The following CNOT6L variants were observed in gnomAD, a reference collection of about 807,000 sequenced individuals.
The protein encoded by CNOT6L is CCR4-NOT transcription complex subunit 6 like.
A neutral mutation model predicts 64.0 loss-of-function variants in CNOT6L; 7 were observed. That is an observed-to-expected ratio of 0.11 (90% CI 0.06 to 0.21). CNOT6L has a LOEUF of 0.21. Among genes scored for constraint, CNOT6L ranks in the 10% least tolerant of loss-of-function variants. The pLI is 1.00. For missense variants in CNOT6L, 245 were observed against 669.0 expected (o/e 0.37, Z 6.99); for synonymous variants, 193 against 243.4 (o/e 0.79, Z 1.93).
Position 77,748,399 on chromosome 4 carries a change from G to C in CNOT6L, c.491-15C>G. Reference sequence around the variant, plus strand: ...CTCTGGATGAACTGAAAAAAATTTTGTAAATATAGGTTAATTTCATGTGTT... The same window carrying C: ...CTCTGGATGAACTGAAAAAAATTTTCTAAATATAGGTTAATTTCATGTGTT... On this transcript the variant is annotated splice_polypyrimidine_tract_variant and intron_variant, in intron 5 of 11. Transcript: ENST00000504123. 6.5e-7 allele frequency: 1 copy of C among 1,536,832 alleles called. No homozygotes were observed. The highest frequency in any genetic ancestry group is 9.0e-7 in the Non-Finnish European group (1 of 1,111,166).
intron 4 of CNOT6L, among the ~76,000 whole-genome samples, chr4:77,761,740 C>T (rs1319098996): frequency 6.6e-6 from 1 of 152,060 alleles, no homozygotes; most frequent in East Asian, 1.9e-4. Context: ...ATTGTCACTT[C>T]TATTCAATAT....
At chr4:77,735,293 A>C (rs960904890) in intron 8 of CNOT6L, among the ~76,000 whole-genome samples, 1 of 152,144 alleles carries the variant, frequency 6.6e-6, no homozygotes, top group Non-Finnish European at 1.5e-5. Context: ...TAAACTCCTG[A>C]ACACCAAACT....
intron 8 of CNOT6L, among the ~76,000 whole-genome samples, chr4:77,735,837 C>G (rs1722887575): frequency 6.6e-6 from 1 of 152,144 alleles, no homozygotes. Context: ...TTTCACCCAG[C>G]CTTTTCTTTT....
chr4:77,800,468 C>A (rs1374662931), intron 1 of CNOT6L, among the ~76,000 whole-genome samples: 1 of 151,666 alleles, frequency 6.6e-6, no homozygotes, highest in Non-Finnish European at 1.5e-5. Flanking sequence ...ATAATTACAC[C>A]ACTGCACTCC....
Position 77,754,888 on chromosome 4 carries a change from T to TAAAAAAAAAAAAAAAAAAAAAAAAAA in CNOT6L, c.490+1973_490+1974insTTTTTTTTTTTTTTTTTTTTTTTTTT. Among the ~76,000 whole-genome samples the TAAAAAAAAAAAAAAAAAAAAAAAAAA allele has an allele frequency of 2.6e-3, 97 of 36,942 alleles. 10 individuals carry two copies. Among genetic ancestry groups the TAAAAAAAAAAAAAAAAAAAAAAAAAA allele is most frequent in the South Asian group, 3.4e-3 (2 of 586 alleles). The allele number at this position is 36,942 out of a possible 152,430, so 24.2% of individuals were successfully genotyped here. A position where few individuals can be genotyped will look rare whatever the true frequency, so the allele number is the denominator to read the frequency against. On this transcript the variant is annotated intron_variant, in intron 5 of 11. Transcript: ENST00000504123. Reference sequence around the variant, plus strand: ...AAAACCTAATTCTAAACATTAGAAGTAAAAAAAAAAAAAAAAAAAAAAAAA... The same window carrying TAAAAAAAAAAAAAAAAAAAAAAAAAA: ...AAAACCTAATTCTAAACATTAGAAGTAAAAAAAAAAAAAAAAAAAAAAAAAAAAAAAAAAAAAAAAAAAAAAAAAAA...
intron 1 of CNOT6L, among the ~76,000 whole-genome samples, chr4:77,793,750 A>G (rs138345335): frequency 8.5e-5 from 13 of 152,312 alleles, no homozygotes; most frequent in Non-Finnish European, 1.6e-4. Flanking sequence ...TCAAGATTAG[A>G]AGACAGATAA....
chr4:77,743,586 C>CTTTTTTTT (rs142888128), intron 7 of CNOT6L, among the ~76,000 whole-genome samples: 9 of 70,890 alleles, frequency 1.3e-4, no homozygotes, highest in African/African-American at 3.4e-4. Flanking sequence ...TAACACACAA[C>CTTTTTTTT]TTTTTTTTTT....
At chr4:77,724,253 G>C (rs1411100482) in intron 11 of CNOT6L, among the ~76,000 whole-genome samples, 1 of 152,110 alleles carries the variant, frequency 6.6e-6, no homozygotes, top group East Asian at 1.9e-4. Context: ...AACAGGCTGA[G>C]GTGGGAGGAT....
At chr4:77,756,557 A>G (rs1725594188) in intron 5 of CNOT6L, among the ~76,000 whole-genome samples, 1 of 152,214 alleles carries the variant, frequency 6.6e-6, no homozygotes, top group Non-Finnish European at 1.5e-5. Context: ...CTGATTAGCT[A>G]TGTATAAATA....
intron 9 of CNOT6L, among the ~76,000 whole-genome samples, chr4:77,729,509 T>C (rs1388261859): frequency 1.3e-5 from 2 of 152,228 alleles, no homozygotes; most frequent in Non-Finnish European, 2.9e-5. Context: ...GTAAAGGCAG[T>C]AAATTATATT....
chr4:77,728,254 A>C (rs552284644), intron 10 of CNOT6L, among the ~76,000 whole-genome samples: 1 of 152,312 alleles, frequency 6.6e-6, no homozygotes, highest in African/African-American at 2.4e-5. Context: ...TAAACTAGAG[A>C]GCTACACGTA....
At chr4:77,745,860 T>C (rs1425712957) in intron 6 of CNOT6L, among the ~76,000 whole-genome samples, 1 of 152,212 alleles carries the variant, frequency 6.6e-6, no homozygotes, top group Non-Finnish European at 1.5e-5. Flanking sequence ...CAAAGTGAAG[T>C]GACACTTGAT....
intron 4 of CNOT6L, among the ~76,000 whole-genome samples, chr4:77,763,497 A>C (rs1326406089): frequency 6.6e-6 from 1 of 152,162 alleles, no homozygotes; most frequent in African/African-American, 2.4e-5. Flanking sequence ...TAATAAAATA[A>C]ACCCAAGATA....
chr4:77,735,075 A>C (rs1170078814), intron 8 of CNOT6L, among the ~76,000 whole-genome samples: 1 of 152,178 alleles, frequency 6.6e-6, no homozygotes, highest in Non-Finnish European at 1.5e-5. Context: ...ATGGTCACAT[A>C]CTTCTAGGAG....
chr4:77,781,959 A>G (rs1728904352), intron 1 of CNOT6L, among the ~76,000 whole-genome samples: 1 of 152,214 alleles, frequency 6.6e-6, no homozygotes, highest in Non-Finnish European at 1.5e-5. Context: ...CATCTCAACA[A>G]TAGTTTGCAA....
chr4:77,741,654 T>C (rs1021468723), intron 8 of CNOT6L, among the ~76,000 whole-genome samples: 1 of 152,214 alleles, frequency 6.6e-6, no homozygotes, highest in Non-Finnish European at 1.5e-5. Context: ...TTAGGAACTA[T>C]GTCTTGACTA....
chr4:77,742,449 T>G, intron 7 of CNOT6L, 154 bp from the exon 8 acceptor site: 3 of 756,698 alleles, frequency 4.0e-6, no homozygotes, highest in Non-Finnish European at 4.5e-6. Flanking sequence ...TAGCAGCTGC[T>G]ACTTGACAAT....
chr4:77,760,860 C>CTTTTATTTTTT (rs1726135183), intron 4 of CNOT6L, among the ~76,000 whole-genome samples: 1 of 29,978 alleles, frequency 3.3e-5, no homozygotes, highest in Non-Finnish European at 5.7e-5. Flanking sequence ...CCATGCCTGG[C>CTTTTATTTTTT]TTTTTTTTTT....
intron 9 of CNOT6L, among the ~76,000 whole-genome samples, chr4:77,730,167 C>A (rs1250793370): frequency 6.6e-6 from 1 of 152,054 alleles, no homozygotes; most frequent in East Asian, 1.9e-4. Context: ...GTTAAAGTTT[C>A]TTTCCAGTCT....
Sources: gnomAD v4.1 joint callset for allele counts (sites outside exome capture counted in the v4.1 genomes callset) on GRCh38, gnomAD v4.1.1 for gene constraint, MANE v1.5 for transcripts, NCBI Gene and HGNC (gene_info 2026-07-23, HGNC 2026-07-21) for gene names.